Variants in AAMDC observed in about 807,000 individuals in gnomAD.
The protein encoded by AAMDC is mth938 domain-containing protein.
In AAMDC, 16 loss-of-function variants were observed where a neutral mutation model predicts 15.5. That is an observed-to-expected ratio of 1.03 (90% CI 0.70 to 1.57). The LOEUF is 1.57. Ranked by LOEUF, AAMDC falls within the 40% of genes most tolerant of loss-of-function variation. The probability of loss-of-function intolerance (pLI) is 0.00; values close to 1 mark genes in which losing one functional copy is unlikely to be tolerated. For missense variants in AAMDC, 141 were observed against 144.9 expected (o/e 0.97, Z 0.14); for synonymous variants, 51 against 51.6 (o/e 0.99, Z 0.05).
intron 1 of AAMDC, among the ~76,000 whole-genome samples, chr11:77,825,851 C>G (rs998285516): frequency 1.1e-4 from 16 of 152,092 alleles, no homozygotes; most frequent in Admixed American, 3.9e-4. Flanking sequence ...GCCACTACAT[C>G]CGGCTAATTT....
intron 2 of AAMDC, chr11:77,869,016 G>A: frequency 2.9e-6 from 1 of 339,838 alleles, no homozygotes; most frequent in Non-Finnish European, 5.6e-6. Context: ...TTCCAGTTTT[G>A]CCATGGTAAC....
At chr11:77,883,199 C>G (rs1951861044) in intron 5 of AAMDC, among the ~76,000 whole-genome samples, 1 of 152,128 alleles carries the variant, frequency 6.6e-6, no homozygotes, top group African/African-American at 2.4e-5. Context: ...TTAAACACCT[C>G]CAGTAACAGT....
chr11:77,888,725 C>A (rs948395069), intron 5 of AAMDC, among the ~76,000 whole-genome samples: 9 of 151,968 alleles, frequency 5.9e-5, no homozygotes, highest in African/African-American at 2.2e-4. Context: ...AACAAATTTA[C>A]AAGAAAAAAA....
At chr11:77,830,195 A>G (rs1949357782) in intron 1 of AAMDC, 1 of 152,284 alleles carries the variant, frequency 6.6e-6, no homozygotes, top group South Asian at 2.1e-4. Flanking sequence ...ATCCAGTAAG[A>G]GATTCATCTA....
intron 2 of AAMDC, among the ~76,000 whole-genome samples, chr11:77,866,251 T>C (rs575964032): frequency 1.3e-5 from 2 of 152,322 alleles, no homozygotes; most frequent in South Asian, 2.1e-4. Context: ...CTGGACATTT[T>C]TCCACAATTA....
intron 5 of AAMDC, chr11:77,900,557 T>G: frequency 1.5e-6 from 1 of 671,876 alleles, no homozygotes; most frequent in Non-Finnish European, 2.7e-6. Flanking sequence ...GGCACTTTTT[T>G]TTTTTTGACA....
chr11:77,849,075 C>T (rs1211554956), intron 2 of AAMDC, among the ~76,000 whole-genome samples: 1 of 150,670 alleles, frequency 6.6e-6, no homozygotes, highest in Non-Finnish European at 1.5e-5. Context: ...CTCACTTGGT[C>T]CCCCAGGCTG....
At chr11:77,887,305 G>T (rs538633366) in intron 5 of AAMDC, among the ~76,000 whole-genome samples, 2 of 152,262 alleles carry the variant, frequency 1.3e-5, no homozygotes, top group East Asian at 3.9e-4. Context: ...CATATAAACA[G>T]AACCAAAGAC....
intron 1 of AAMDC, chr11:77,841,253 C>G (rs1396607843): frequency 1.4e-6 from 1 of 702,248 alleles, no homozygotes; most frequent in Admixed American, 2.0e-5. Context: ...GTTATAATGG[C>G]AGTTAAATTT....
chr11:77,867,613 G>A (rs759204812), intron 2 of AAMDC, among the ~76,000 whole-genome samples: 3 of 152,252 alleles, frequency 2.0e-5, no homozygotes, highest in African/African-American at 4.8e-5. Context: ...GGAAAGGAAT[G>A]CTTTGTCTTT....
intron 5 of AAMDC, among the ~76,000 whole-genome samples, chr11:77,897,064 TG>T (rs1952556956): frequency 6.6e-6 from 1 of 151,978 alleles, no homozygotes; most frequent in African/African-American, 2.4e-5. Flanking sequence ...TATTCTGGTG[TG>T]GCGGGGGTTG....
chr11:77,865,046 T>A (rs1283188038), intron 2 of AAMDC, among the ~76,000 whole-genome samples: 1 of 152,202 alleles, frequency 6.6e-6, no homozygotes, highest in Non-Finnish European at 1.5e-5. Context: ...TGGACCCATA[T>A]AGTTGAATTC....
intron 5 of AAMDC, among the ~76,000 whole-genome samples, chr11:77,889,246 T>G (rs932188020): frequency 6.6e-6 from 1 of 151,936 alleles, no homozygotes; most frequent in South Asian, 2.1e-4. Context: ...TATGCAGCCA[T>G]AAAAAATGAT....
At chr11:77,862,726 C>T (rs1374777990) in intron 2 of AAMDC, among the ~76,000 whole-genome samples, 3 of 152,114 alleles carry the variant, frequency 2.0e-5, no homozygotes, top group Non-Finnish European at 4.4e-5. Context: ...ACATATGGCA[C>T]TTCACTCTTC....
intron 1 of AAMDC, chr11:77,840,985 A>G (rs1403874822): frequency 3.9e-6 from 2 of 510,086 alleles, no homozygotes; most frequent in Non-Finnish European, 7.0e-6. Context: ...GGGTAATTTA[A>G]AATTTATAAT....
chr11:77,850,861 T>G (rs1022362148), intron 2 of AAMDC: 4 of 152,074 alleles, frequency 2.6e-5, no homozygotes, highest in African/African-American at 4.8e-5. Context: ...ATACGACATT[T>G]CAGTATTTCT....
rs1950957053 is a variant in AAMDC at position 77,863,200 on chromosome 11, G to A, written c.133-6522G>A. On this transcript the variant is annotated intron_variant, in intron 2 of 3. Coordinates refer to ENST00000393427, the MANE Select transcript of AAMDC (RefSeq NM_024684.4). ...CAGTGACTAGTGTTCAGCTTGATTA[G>A]GACGAACCCGGGCACTTAGCCATGC... is the stretch of plus-strand genomic sequence containing the variant. Among the ~76,000 whole-genome samples the A allele has an allele frequency of 2.0e-5, 3 of 152,150 alleles. No individual in the cohort carries two copies. The East Asian group carries it at 5.8e-4, about 29-fold the overall frequency.
chr11:77,888,794 C>T (rs1952131613), intron 5 of AAMDC, among the ~76,000 whole-genome samples: 1 of 152,158 alleles, frequency 6.6e-6, no homozygotes, highest in African/African-American at 2.4e-5. Flanking sequence ...CAAAAGAAGA[C>T]ATTTATGCAG....
At chr11:77,883,862 G>C (rs1951885511) in intron 5 of AAMDC, 1 of 1,612,744 alleles carries the variant, frequency 6.2e-7, no homozygotes. Flanking sequence ...AGATAAACCT[G>C]AGTGATGAGC....
Sources: allele counts gnomAD v4.1 joint callset (sites outside exome capture counted in the v4.1 genomes callset), GRCh38; gene constraint gnomAD v4.1.1; transcripts MANE v1.5; gene names NCBI Gene and HGNC (gene_info 2026-07-23, HGNC 2026-07-21).